The following LCLAT1 variants were observed in gnomAD, a reference collection of about 807,000 sequenced individuals.
The protein encoded by LCLAT1 is 1-AGP acyltransferase 8.
In LCLAT1, 11 loss-of-function variants were observed where a neutral mutation model predicts 30.7. That is an observed-to-expected ratio of 0.36 (90% confidence interval 0.23 to 0.59). The LOEUF is 0.59. LCLAT1 is among the 20% of genes least tolerant of loss of function. The pLI is 0.77. For synonymous variants in LCLAT1, 155 were observed against 151.3 expected (o/e 1.02, Z -0.18); for missense variants, 402 against 458.6 (o/e 0.88, Z 1.13).
At chr2:30,515,240 C>G (rs1384077392) in intron 1 of LCLAT1, among the ~76,000 whole-genome samples, 1 of 152,198 alleles carries the variant, frequency 6.6e-6, no homozygotes, top group African/African-American at 2.4e-5. Context: ...CTACTTTGAT[C>G]TACCCTTAAC....
At chr2:30,476,394 C>T (rs1027681035) in intron 1 of LCLAT1, 2 of 456,538 alleles carry the variant, frequency 4.4e-6, no homozygotes, top group Non-Finnish European at 4.4e-6. Context: ...TTTCATCTGT[C>T]TTTACAGCCA....
At chr2:30,510,852 C>T (rs2148357835) in intron 1 of LCLAT1, among the ~76,000 whole-genome samples, 1 of 152,030 alleles carries the variant, frequency 6.6e-6, no homozygotes, top group East Asian at 1.9e-4. Flanking sequence ...ATCATTTTTG[C>T]TGTTTTAAAC....
At chr2:30,575,065 G>A (rs144886590) in intron 5 of LCLAT1, among the ~76,000 whole-genome samples, 59 of 152,124 alleles carry the variant, frequency 3.9e-4, no homozygotes, top group Non-Finnish European at 6.8e-4. Flanking sequence ...CCAGTCATGT[G>A]GGACACATGA....
chr2:30,551,374 T>A (rs1664671530), intron 3 of LCLAT1, among the ~76,000 whole-genome samples: 1 of 152,202 alleles, frequency 6.6e-6, no homozygotes, highest in South Asian at 2.1e-4. Flanking sequence ...TTTAACCACT[T>A]ATTTTTTTGG....
intron 1 of LCLAT1, among the ~76,000 whole-genome samples, chr2:30,463,928 G>A (rs994740094): frequency 9.2e-5 from 14 of 152,274 alleles, no homozygotes; most frequent in South Asian, 2.1e-4. Context: ...TAGTGCCTCC[G>A]TGAGCATTTT....
At chr2:30,535,015 C>T (rs552094463) in intron 3 of LCLAT1, among the ~76,000 whole-genome samples, 4 of 152,136 alleles carry the variant, frequency 2.6e-5, no homozygotes, top group South Asian at 4.2e-4. Flanking sequence ...TTAAAAAATA[C>T]AGAAAAATAC....
At chr2:30,624,339 A>G (rs895842619) in intron 5 of LCLAT1, among the ~76,000 whole-genome samples, 3 of 152,216 alleles carry the variant, frequency 2.0e-5, no homozygotes, top group Admixed American at 6.5e-5. Flanking sequence ...ATGGATAACA[A>G]TTCACCAACC....
At chr2:30,554,843 G>A (rs186087571) in intron 3 of LCLAT1, among the ~76,000 whole-genome samples, 1 of 152,140 alleles carries the variant, frequency 6.6e-6, no homozygotes, top group East Asian at 1.9e-4. Flanking sequence ...GTTGTCAAAT[G>A]GCAAAAGAAA....
At chr2:30,626,581 T>C (rs1668521460) in intron 5 of LCLAT1, among the ~76,000 whole-genome samples, 2 of 152,166 alleles carry the variant, frequency 1.3e-5, no homozygotes, top group African/African-American at 2.4e-5. Flanking sequence ...TTTAAGTATC[T>C]TACTCATCTT....
chr2:30,473,497 C>T (rs936918098), intron 1 of LCLAT1, among the ~76,000 whole-genome samples: 2 of 152,074 alleles, frequency 1.3e-5, no homozygotes, highest in Non-Finnish European at 2.9e-5. Context: ...TTTTTTCATC[C>T]CTTTATTTAT....
Position 30,642,461 on chromosome 2 carries a change from G to A in LCLAT1, c.*1842G>A, listed in dbSNP as rs1454242683. 4 of 148,802 alleles carry A rather than the reference G, an allele frequency of 2.7e-5. No homozygotes were observed. Among genetic ancestry groups the A allele is most frequent in the African/African-American group, 9.9e-5 (4 of 40,372 alleles). 9.2% of individuals were successfully genotyped at this position (148,802 alleles called of 1,614,324 possible). On this transcript the variant is annotated 3_prime_UTR_variant, in exon 6 of 6. Transcript: ENST00000379509. ...TTGTTGTTTCCCCTTAATAAAAGAG[G>A]TTTCTAATTTATGTTTCTCTAAGAT...
intron 5 of LCLAT1, among the ~76,000 whole-genome samples, chr2:30,637,740 G>T (rs1328865637): frequency 6.6e-6 from 1 of 152,180 alleles, no homozygotes; most frequent in Non-Finnish European, 1.5e-5. Flanking sequence ...ACCACGCCCA[G>T]CTAATTTTTG....
chr2:30,456,370 C>A (rs1681836150), intron 1 of LCLAT1, among the ~76,000 whole-genome samples: 1 of 152,158 alleles, frequency 6.6e-6, no homozygotes, highest in Non-Finnish European at 1.5e-5. Flanking sequence ...AATCCAGGCT[C>A]TCCAGGTGGT....
rs77169466 is a variant in LCLAT1 at position 30,560,679 on chromosome 2, A to G, written c.365-1467A>G. 9.6e-3 allele frequency among the ~76,000 whole-genome samples: 1,466 copies of G among 152,148 alleles called. 21 individuals carry two copies. The highest frequency in any genetic ancestry group is 0.033 in the African/African-American group (1,366 of 41,506). ...CTGGTAAATAATTTAATGATTATGT[A>G]TATGTATTATCAGGGTTCTGTTGTA... On this transcript the variant is annotated intron_variant, in intron 3 of 5. Transcript: ENST00000379509.
intron 5 of LCLAT1, among the ~76,000 whole-genome samples, chr2:30,623,074 G>A (rs1282961596): frequency 9.4e-6 from 1 of 106,152 alleles, no homozygotes; most frequent in Non-Finnish European, 1.8e-5. Context: ...TTTTTTTTGA[G>A]ACGGAGTCTC....
At chr2:30,528,053 G>A (rs1282122058) in intron 2 of LCLAT1, among the ~76,000 whole-genome samples, 1 of 152,152 alleles carries the variant, frequency 6.6e-6, no homozygotes, top group Non-Finnish European at 1.5e-5. Context: ...ATTTGGTCAA[G>A]ACTGGGTCAC....
At chr2:30,451,393 A>G (rs1662942) in intron 1 of LCLAT1, among the ~76,000 whole-genome samples, 2 of 152,116 alleles carry the variant, frequency 1.3e-5, no homozygotes, top group Admixed American at 1.3e-4. Context: ...AAATGCTTGC[A>G]TTCCTAGGTA....
intron 1 of LCLAT1, among the ~76,000 whole-genome samples, chr2:30,508,678 G>A (rs1684793198): frequency 6.6e-6 from 1 of 152,030 alleles, no homozygotes; most frequent in Admixed American, 6.6e-5. Context: ...TTTTAAGTTG[G>A]GTAGCATGAT....
chr2:30,557,604 G>A (rs997829355), intron 3 of LCLAT1, among the ~76,000 whole-genome samples: 1 of 151,782 alleles, frequency 6.6e-6, no homozygotes, highest in East Asian at 1.9e-4. Context: ...TAGTAGAGAC[G>A]GGGTTTCATC....
Sources: gnomAD v4.1 joint callset for allele counts (sites outside exome capture counted in the v4.1 genomes callset) on GRCh38, gnomAD v4.1.1 for gene constraint, MANE v1.5 for transcripts, NCBI Gene and HGNC (gene_info 2026-07-23, HGNC 2026-07-21) for gene names.